The following SMG9 variants were observed in gnomAD, a reference collection of about 807,000 sequenced individuals.
SMG9 encodes the protein SMG9 nonsense mediated mRNA decay factor, also known as nonsense-mediated mRNA decay factor SMG9.
In SMG9, 55 loss-of-function variants were observed where a neutral mutation model predicts 64.0. The ratio of observed to expected loss-of-function variants is 0.86; its 90% CI spans 0.69 to 1.08. The LOEUF (loss-of-function observed/expected upper bound fraction) is 1.08, where lower values mean the gene tolerates loss of function less well. Ranked by LOEUF, SMG9 falls within the 50% of genes least tolerant of loss-of-function variation. The probability of loss-of-function intolerance (pLI) is 0.00; values close to 1 mark genes in which losing one functional copy is unlikely to be tolerated. For synonymous variants in SMG9, 244 were observed against 254.8 expected (o/e 0.96, Z 0.41); for missense variants, 554 against 681.3 (o/e 0.81, Z 2.08).
At chr19:43,751,092 T>A (rs888437819) in intron 1 of SMG9, among the ~76,000 whole-genome samples, 1 of 151,814 alleles carries the variant, frequency 6.6e-6, no homozygotes, top group Non-Finnish European at 1.5e-5. Flanking sequence ...CCCAAAGTGC[T>A]GGGATTACAG....
In SMG9 at chr19:43,731,720, C is replaced by T. The variant is rs372616673; in HGVS notation, c.1485-46G>A. 6.1e-5 allele frequency: 99 copies of T among 1,612,786 alleles called. No individual in the cohort carries two copies. In the Admixed American group the frequency reaches 6.7e-4, roughly 11 times the overall value. ...AGGGCTGCCTGGCCGGGGCTCCCCC[C>T]AGCCCAGCACCAACCCGGGACAGGT... is the stretch of plus-strand genomic sequence containing the variant. On this transcript the variant is annotated intron_variant, in intron 13 of 13. Transcript: ENST00000270066.
chr19:43,753,021 AAACAGG>A (rs1969238037), intron 1 of SMG9, among the ~76,000 whole-genome samples: 1 of 151,986 alleles, frequency 6.6e-6, no homozygotes, highest in Non-Finnish European at 1.5e-5. Flanking sequence ...ATAATGACAT[AAACAGG>A]TCCCTCCGAG....
chr19:43,753,233 A>G (rs1193097596), intron 1 of SMG9, among the ~76,000 whole-genome samples: 1 of 152,224 alleles, frequency 6.6e-6, no homozygotes, highest in Admixed American at 6.5e-5. Flanking sequence ...CTCATTCCAT[A>G]CCGAAATGAC....
chr19:43,750,704 C>G lies in SMG9; in HGVS notation c.38G>C (p.Gly13Ala). The stretch of plus-strand genomic sequence containing the variant: ...CTTCCACCGTCGCCGCCGCTCTATC[C>G]CATAGAGTCCAGGCTGACTGTGTCC... ...ESGHSQPGLY[G>A]IERRRRWKEP... The change falls in exon 2 of 14, where the codon GGG (glycine) becomes GCG (alanine). Residue 13 changes from glycine (G) to alanine (A), a missense_variant. Coordinates refer to ENST00000270066, the MANE Select transcript of SMG9 (RefSeq NM_019108.4). 6.2e-7 allele frequency: 1 copy of G among 1,613,974 alleles called. No homozygotes were observed. The highest frequency in any genetic ancestry group is 1.1e-5 in the South Asian group (1 of 91,040).
In SMG9 at chr19:43,732,717, C is replaced by G. The variant is rs1968521915; in HGVS notation, c.1484+141G>C. 4.2e-6 allele frequency: 4 copies of G among 952,222 alleles called. No individual in the cohort carries two copies. The South Asian group carries it at 6.2e-5, about 15-fold the overall frequency. The allele number at this position is 952,222 out of a possible 1,614,324, so 59.0% of individuals were successfully genotyped here. A position where few individuals can be genotyped will look rare whatever the true frequency, so the allele number is the denominator to read the frequency against. On this transcript the variant is annotated intron_variant, in intron 13 of 13. Coordinates refer to ENST00000270066, the MANE Select transcript of SMG9 (RefSeq NM_019108.4). ...GGGTGAGATGCTTACAAGACAGTAG[C>G]AATCATCACTGTTCCAGAAAAGGAA...
At position 43,732,949 on chromosome 19, in the gene SMG9, T is replaced by C; in HGVS notation, c.1393A>G (p.Ser465Gly). ...SLLPGYRGHP[S>G]FQSLVSKLRS... is the part of the protein sequence containing the mutation. ...AGCTTGCTCACCAAGGACTGGAAACTGGGGTGGCCACGATACCCAGGCAGC... is the reference window on the plus strand; with the variant it reads ...AGCTTGCTCACCAAGGACTGGAAACCGGGGTGGCCACGATACCCAGGCAGC... The change falls in exon 13 of 14, where the codon AGT (serine) becomes GGT (glycine). Residue 465 changes from serine (S) to glycine (G), a missense_variant. Transcript: ENST00000270066. The C allele has an allele frequency of 6.2e-7, 1 of 1,613,634 alleles. No homozygotes were observed. Among genetic ancestry groups the C allele is most frequent in the Non-Finnish European group, 8.5e-7 (1 of 1,179,904 alleles).
Position 43,733,872 on chromosome 19 carries a change from G to C in SMG9, c.1103-139C>G, listed in dbSNP as rs1309418497. On this transcript the variant is annotated intron_variant, in intron 10 of 13. Transcript: ENST00000270066. ...ATTTATATAACTTCACTTCACTTTA[G>C]CACCAGGCTCTGTGTAGGGCAATGC... 43 of 655,562 alleles carry C rather than the reference G, an allele frequency of 6.6e-5. No individual in the cohort carries two copies. The Admixed American group carries it at 6.7e-4, about 10-fold the overall frequency. 40.6% of individuals were successfully genotyped at this position (655,562 alleles called of 1,614,324 possible).
chr19:43,728,810 G>T lies in SMG9; in HGVS notation c.*2786C>A, dbSNP rs898175367. The T allele has an allele frequency of 5.4e-6, 1 of 185,812 alleles. No homozygotes were observed. Among genetic ancestry groups the T allele is most frequent in the East Asian group, 1.9e-4 (1 of 5,354 alleles). The allele number at this position is 185,812 out of a possible 1,614,324, so 11.5% of individuals were successfully genotyped here. On this transcript the variant is annotated 3_prime_UTR_variant, in exon 14 of 14. Coordinates refer to ENST00000270066, the MANE Select transcript of SMG9 (RefSeq NM_019108.4). ...GCTCCAGTGTAGAAGCTGATTGAGC[G>T]GTGCTCATGTTTCCTGCAGTGGAGG...
rs560285941 is a variant in SMG9 at position 43,733,017 on chromosome 19, C to A, written c.1340-15G>T. 6 of 1,601,532 alleles carry A rather than the reference C, an allele frequency of 3.7e-6. No homozygotes were observed. The African/African-American group carries it at 5.4e-5, about 14-fold the overall frequency. On this transcript the variant is annotated splice_polypyrimidine_tract_variant and intron_variant, in intron 12 of 13. Transcript: ENST00000270066. ...GGAACCAGGTCCTGGAAAGTTGGGG[C>A]AGGGAGGGTAAGAGGGATAGACTGC... is the stretch of plus-strand genomic sequence containing the variant.
Position 43,737,656 on chromosome 19 carries a change from G to C in SMG9, c.936C>G (p.Phe312Leu). Residue 312 changes from phenylalanine to leucine, a missense_variant, in exon 9 of 14, where the codon TTC becomes TTG. Coordinates refer to ENST00000270066, the MANE Select transcript of SMG9 (RefSeq NM_019108.4). ...MQSLQIAAFLFTVCHVVIVVQ... is the reference protein window; with the variant it reads ...MQSLQIAAFLLTVCHVVIVVQ... ...CAACAATCACCACATGGCAGACCGT[G>C]AAAAGGAAGGCAGCAATCTGGAGTG... 6.2e-7 allele frequency: 1 copy of C among 1,614,004 alleles called. No homozygotes were observed. The highest frequency in any genetic ancestry group is 8.5e-7 in the Non-Finnish European group (1 of 1,179,950).
intron 6 of SMG9, among the ~76,000 whole-genome samples, chr19:43,742,240 C>T (rs879359791): frequency 6.6e-6 from 1 of 151,932 alleles, no homozygotes; most frequent in Non-Finnish European, 1.5e-5. Flanking sequence ...CACGTGAGCC[C>T]AGTCTGGGCA....
In SMG9 at chr19:43,731,414, G is replaced by C; in HGVS notation, c.*182C>G. 7.0e-6 allele frequency: 10 copies of C among 1,426,680 alleles called. 1 individual carries two copies. In the South Asian group the frequency reaches 1.5e-4, roughly 22 times the overall value. 88.4% of individuals were successfully genotyped at this position (1,426,680 alleles called of 1,614,324 possible). A position where few individuals can be genotyped will look rare whatever the true frequency, so the allele number is the denominator to read the frequency against. On this transcript the variant is annotated 3_prime_UTR_variant, in exon 14 of 14. Coordinates refer to ENST00000270066, the MANE Select transcript of SMG9 (RefSeq NM_019108.4). The stretch of plus-strand genomic sequence containing the variant: ...ATCGCTCACAGTCACCCCCGGAACA[G>C]CCCCAACTGAGGGTGGGGGGCCTGG...
chr19:43,741,502 G>C (rs1968845169), intron 6 of SMG9, among the ~76,000 whole-genome samples: 1 of 152,210 alleles, frequency 6.6e-6, no homozygotes, highest in African/African-American at 2.4e-5. Context: ...TGTAAGTAGA[G>C]GAGTGACAGG....
chr19:43,740,892 T>C (rs923544504), intron 6 of SMG9, among the ~76,000 whole-genome samples: 1 of 152,178 alleles, frequency 6.6e-6, no homozygotes, highest in Admixed American at 6.5e-5. Context: ...TAAGTTCAAC[T>C]TGGTGACTCT....
intron 5 of SMG9, among the ~76,000 whole-genome samples, chr19:43,745,925 C>T (rs752818251): frequency 6.6e-6 from 1 of 151,912 alleles, no homozygotes; most frequent in East Asian, 1.9e-4. Context: ...TGCTTGAACC[C>T]GGGAGGCGGG....
rs753819630 is a variant in SMG9 at position 43,750,633 on chromosome 19, GACC to G, written c.106_108del (p.Gly36del). 3.7e-6 allele frequency: 6 copies of G among 1,613,650 alleles called. No individual in the cohort carries two copies. Among genetic ancestry groups the G allele is most frequent in the Non-Finnish European group, 5.1e-6 (6 of 1,179,962 alleles). ...CATGGTGCAATGTAGTCCCTCTCCC[GACC>G]ACCAGGCCCAGAGAGATTCTGGGGG... On this transcript the variant is annotated inframe_deletion, in exon 2 of 14. Transcript: ENST00000270066.
chr19:43,734,987 C>T (rs1157412492), intron 9 of SMG9, among the ~76,000 whole-genome samples: 7 of 152,172 alleles, frequency 4.6e-5, no homozygotes, highest in Non-Finnish European at 7.3e-5. Context: ...GCCATTATAG[C>T]ATCACAGAGT....
Position 43,740,205 on chromosome 19 carries a change from G to A in SMG9, c.715C>T (p.Arg239Trp), listed in dbSNP as rs747723544. Reference sequence around the variant, plus strand: ...TCCTTCATTTCAGCGCTCTGGGCCCGGAAAACATAAGTCCTGTGGAGAGGA... The same window carrying A: ...TCCTTCATTTCAGCGCTCTGGGCCCAGAAAACATAAGTCCTGTGGAGAGGA... Reference protein sequence around the residue: ...PEEDQRTYVFRAQSAEMKERG... With the variant: ...PEEDQRTYVFWAQSAEMKERG... The change falls in exon 7 of 14, where the codon CGG becomes TGG. Residue 239 changes from arginine (R) to tryptophan (W), a missense_variant. By Grantham distance (101) the Arg-to-Trp change is moderately radical. Transcript: ENST00000270066. 12 of 1,613,514 alleles carry A rather than the reference G, an allele frequency of 7.4e-6. No individual in the cohort carries two copies. Among genetic ancestry groups the A allele is most frequent in the African/African-American group, 5.3e-5 (4 of 74,872 alleles).
intron 4 of SMG9, 32 bp from the exon 5 acceptor site, chr19:43,747,571 T>C (rs1266766726): frequency 1.9e-6 from 3 of 1,614,020 alleles, no homozygotes; most frequent in African/African-American, 1.3e-5. Context: ...AGACAGAGGA[T>C]GCAGTGAGGA....
Sources: allele counts gnomAD v4.1 joint callset (sites outside exome capture counted in the v4.1 genomes callset), GRCh38; gene constraint gnomAD v4.1.1; transcripts MANE v1.5; gene names NCBI Gene and HGNC (gene_info 2026-07-23, HGNC 2026-07-21).